The following C1QTNF3 variants were observed in gnomAD, a reference collection of about 807,000 sequenced individuals.
The protein encoded by C1QTNF3 is C1q and TNF related 3, also known as complement C1q tumor necrosis factor-related protein 3.
C1QTNF3 carries 26 observed loss-of-function variants against 32.6 expected under a neutral mutation model. The observed-to-expected ratio is 0.80, with a 90% CI of 0.58 to 1.11. The LOEUF (loss-of-function observed/expected upper bound fraction) is 1.11. C1QTNF3 is among the 50% of genes least tolerant of loss of function. C1QTNF3 has a pLI of 0.00. For synonymous variants in C1QTNF3, 155 were observed against 146.0 expected (o/e 1.06, Z -0.44); for missense variants, 362 against 398.2 (o/e 0.91, Z 0.77).
At chr5:34,223,679 CTGT>C in the C1QTNF3 span, among the ~76,000 whole-genome samples, 3 of 152,004 alleles carry the variant, frequency 2.0e-5, no homozygotes, top group Admixed American at 2.0e-4. Context: ...TCTCCAGCAC[CTGT>C]TGTTTCCTGA....
chr5:34,036,547 C>T (rs1266685720), intron 1 of C1QTNF3, among the ~76,000 whole-genome samples: 1 of 152,180 alleles, frequency 6.6e-6, no homozygotes, highest in Non-Finnish European at 1.5e-5. Flanking sequence ...TTGCTATTAA[C>T]TATAAGTCCA....
In C1QTNF3 at chr5:34,035,681, G is replaced by A. The variant is rs536212535; in HGVS notation, c.381C>T (p.Gly127=). The change falls in exon 2 of 6, where the codon GGC becomes GGT. Residue 127 remains glycine (G), a synonymous_variant. Transcript: ENST00000382065. ...CAGGAGGGCCCGGTGGCCCAGGGGG[G>A]CCTTGGTAGCCTCGAAAGCTGTAGT... ...HGDYSFRGYQ[G]PPGPPGPPGI... is the part of the protein sequence containing the mutation. 58 of 1,611,420 alleles carry A rather than the reference G, an allele frequency of 3.6e-5. No homozygotes were observed. Among genetic ancestry groups the A allele is most frequent in the African/African-American group, 5.4e-5 (4 of 74,732 alleles).
At chr5:34,036,150 T>C (rs1754731566) in intron 1 of C1QTNF3, among the ~76,000 whole-genome samples, 1 of 152,156 alleles carries the variant, frequency 6.6e-6, no homozygotes, top group South Asian at 2.1e-4. Flanking sequence ...CTAAATTGAG[T>C]AGATGGTCCT....
chr5:34,213,790 T>TATATATATATAC, the C1QTNF3 span, among the ~76,000 whole-genome samples: 4 of 10,298 alleles, frequency 3.9e-4, no homozygotes, highest in African/African-American at 9.7e-4. Flanking sequence ...TATATACATA[T>TATATATATATAC]ATATATATAT....
the C1QTNF3 span, among the ~76,000 whole-genome samples, chr5:34,208,080 T>A: frequency 6.6e-6 from 1 of 152,096 alleles, no homozygotes; most frequent in Non-Finnish European, 1.5e-5. Flanking sequence ...GTGAGCCACC[T>A]CGCCCGGCCT....
At chr5:34,100,140 T>C in the C1QTNF3 span, among the ~76,000 whole-genome samples, 2 of 151,964 alleles carry the variant, frequency 1.3e-5, no homozygotes, top group African/African-American at 4.8e-5. Flanking sequence ...GCTTCCAAGA[T>C]AGCATTTTGT....
the C1QTNF3 span, among the ~76,000 whole-genome samples, chr5:34,223,159 T>TCCCTCTC: frequency 9.0e-6 from 1 of 111,486 alleles, no homozygotes; most frequent in Non-Finnish European, 1.8e-5. Flanking sequence ...CCTAATGCTA[T>TCCCTCTC]CCCTCCCCCC....
the C1QTNF3 span, among the ~76,000 whole-genome samples, chr5:34,155,583 C>G: frequency 6.6e-6 from 1 of 152,040 alleles, no homozygotes; most frequent in Non-Finnish European, 1.5e-5. Context: ...AATTTTCCAG[C>G]AGAAAAGTTA....
the C1QTNF3 span, among the ~76,000 whole-genome samples, chr5:34,156,710 A>G: frequency 6.6e-6 from 1 of 152,292 alleles, no homozygotes; most frequent in South Asian, 2.1e-4. Flanking sequence ...TTGTGGGGGG[A>G]AATTATTGAC....
At chr5:34,046,745 T>C (rs1188187735), upstream of C1QTNF3, among the ~76,000 whole-genome samples, 1 of 152,164 alleles carries the variant, frequency 6.6e-6, no homozygotes. Flanking sequence ...TGAAAACTTT[T>C]CAAAACAACA....
At chr5:34,213,325 C>T in the C1QTNF3 span, among the ~76,000 whole-genome samples, 1 of 152,028 alleles carries the variant, frequency 6.6e-6, no homozygotes, top group Admixed American at 6.6e-5. Flanking sequence ...AGAACATATC[C>T]TCATTGCTAA....
the C1QTNF3 span, chr5:34,175,787 G>T: frequency 1.4e-6 from 1 of 708,352 alleles, no homozygotes; most frequent in Non-Finnish European, 2.6e-6. Flanking sequence ...AAATGAGGAC[G>T]GGTACATTAT....
the C1QTNF3 span, among the ~76,000 whole-genome samples, chr5:34,126,666 A>C: frequency 2.7e-5 from 4 of 148,886 alleles, no homozygotes; most frequent in Non-Finnish European, 6.0e-5. Context: ...AGTATCATTC[A>C]TAACAGCCAA....
At chr5:34,172,781 T>C in the C1QTNF3 span, among the ~76,000 whole-genome samples, 8 of 152,182 alleles carry the variant, frequency 5.3e-5, no homozygotes, top group Admixed American at 1.3e-4. Flanking sequence ...GGTAAATACA[T>C]GCAAACTAAC....
the C1QTNF3 span, among the ~76,000 whole-genome samples, chr5:34,210,039 T>C: frequency 6.6e-6 from 1 of 152,148 alleles, no homozygotes; most frequent in African/African-American, 2.4e-5. Context: ...TGATACAATA[T>C]TGATGCACAG....
the C1QTNF3 span, among the ~76,000 whole-genome samples, chr5:34,171,894 A>C: frequency 6.6e-6 from 1 of 152,232 alleles, no homozygotes; most frequent in East Asian, 1.9e-4. Context: ...AACTACCCAT[A>C]AATGTACCCA....
the C1QTNF3 span, among the ~76,000 whole-genome samples, chr5:34,059,258 G>A: frequency 3.9e-4 from 60 of 152,184 alleles, no homozygotes; most frequent in Non-Finnish European, 7.5e-4. Flanking sequence ...TCGTCCATGT[G>A]TGCACGTATC....
At chr5:34,067,509 G>T in the C1QTNF3 span, among the ~76,000 whole-genome samples, 1 of 152,190 alleles carries the variant, frequency 6.6e-6, no homozygotes, top group Non-Finnish European at 1.5e-5. Context: ...ATGAATGGCG[G>T]CAGGCGAAGA....
At chr5:34,037,170 C>T (rs1360368862) in intron 1 of C1QTNF3, among the ~76,000 whole-genome samples, 1 of 152,172 alleles carries the variant, frequency 6.6e-6, no homozygotes, top group East Asian at 1.9e-4. Context: ...GAACTCCCAT[C>T]TAAACTGGCA....
Sources: allele counts gnomAD v4.1 joint callset (sites outside exome capture counted in the v4.1 genomes callset), GRCh38; gene constraint gnomAD v4.1.1; transcripts MANE v1.5; gene names NCBI Gene and HGNC (gene_info 2026-07-23, HGNC 2026-07-21).